ZC3H12B: variants seen among roughly 807,000 people sequenced by gnomAD.
ZC3H12B encodes the protein probable ribonuclease ZC3H12B.
Under a neutral mutation model 43.9 loss-of-function variants are expected in ZC3H12B, and 7 were observed. That is an observed-to-expected ratio of 0.16 (90% CI 0.09 to 0.30). The LOEUF is 0.30. Ranked by LOEUF, ZC3H12B falls within the 10% of genes least tolerant of loss-of-function variation. ZC3H12B has a pLI of 1.00. For synonymous variants in ZC3H12B, 222 were observed against 241.7 expected (o/e 0.92, Z 0.76); for missense variants, 475 against 670.2 (o/e 0.71, Z 3.22).
At chrX:65,271,500 C>T in the ZC3H12B span, 6 of 112,349 alleles carry the variant, frequency 5.3e-5, no homozygotes, top group African/African-American at 1.9e-4. Flanking sequence ...CTGTTGGTTT[C>T]AATTGTTGAT....
the ZC3H12B span, among the ~76,000 whole-genome samples, chrX:65,352,985 C>A: frequency 4.5e-5 from 5 of 110,523 alleles, no homozygotes; most frequent in Admixed American, 4.8e-4. Flanking sequence ...GTAGCTGGGA[C>A]TACAGGTGCG....
At chrX:65,154,687 A>T in the ZC3H12B span, among the ~76,000 whole-genome samples, 1 of 111,202 alleles carries the variant, frequency 9.0e-6, no homozygotes, top group Non-Finnish European at 1.9e-5. Flanking sequence ...CCATCTCTAC[A>T]AAAATAAAAG....
the ZC3H12B span, among the ~76,000 whole-genome samples, chrX:65,219,399 C>T: frequency 9.0e-6 from 1 of 110,963 alleles, no homozygotes; most frequent in Admixed American, 9.6e-5. Context: ...CAACTTAAAT[C>T]AAAAAAATGA....
At chrX:65,054,887 TTGTC>T in the ZC3H12B span, among the ~76,000 whole-genome samples, 5 of 111,495 alleles carry the variant, frequency 4.5e-5, no homozygotes, top group East Asian at 5.6e-4. Context: ...GGCTCTCTGT[TTGTC>T]TGTTATTGAT....
At chrX:65,298,232 C>A in the ZC3H12B span, among the ~76,000 whole-genome samples, 1 of 111,789 alleles carries the variant, frequency 8.9e-6, no homozygotes, top group African/African-American at 3.2e-5. Context: ...GTGAGAAAAT[C>A]TTCACAATCT....
At chrX:65,067,504 G>A in the ZC3H12B span, among the ~76,000 whole-genome samples, 1 of 109,979 alleles carries the variant, frequency 9.1e-6, no homozygotes, top group East Asian at 2.9e-4. Flanking sequence ...GAGATGAACC[G>A]TGTACCTCAG....
At chrX:65,113,252 G>A in the ZC3H12B span, among the ~76,000 whole-genome samples, 2 of 111,872 alleles carry the variant, frequency 1.8e-5, no homozygotes, top group African/African-American at 6.5e-5. Flanking sequence ...CAAAAAAGTG[G>A]TTTCTTGAGA....
intron 2 of ZC3H12B, among the ~76,000 whole-genome samples, chrX:65,390,073 G>A (rs187921538): frequency 1.2e-3 from 134 of 112,205 alleles, no homozygotes; most frequent in Non-Finnish European, 2.0e-3. Context: ...ATGCTATGCA[G>A]CCATAAAAAA....
chrX:65,165,579 A>T, the ZC3H12B span, among the ~76,000 whole-genome samples: 1 of 112,155 alleles, frequency 8.9e-6, no homozygotes, highest in Admixed American at 9.5e-5. Flanking sequence ...GTTAAGAATG[A>T]TGGTTTCCAT....
chrX:65,160,246 G>A, the ZC3H12B span, among the ~76,000 whole-genome samples: 2 of 111,530 alleles, frequency 1.8e-5, no homozygotes, highest in Non-Finnish European at 3.8e-5. Flanking sequence ...GTCTCTACCC[G>A]GCTTTGGTAT....
At chrX:65,242,455 T>C in the ZC3H12B span, among the ~76,000 whole-genome samples, 14 of 111,567 alleles carry the variant, frequency 1.3e-4, no homozygotes, top group African/African-American at 3.6e-4. Flanking sequence ...ATCTCTATAA[T>C]GAAAAGTATA....
chrX:65,279,045 T>C, the ZC3H12B span, among the ~76,000 whole-genome samples: 1 of 111,427 alleles, frequency 9.0e-6, no homozygotes, highest in African/African-American at 3.3e-5. Context: ...AATCTATCAT[T>C]GATGGGCATT....
the ZC3H12B span, among the ~76,000 whole-genome samples, chrX:65,106,834 T>G: frequency 8.9e-6 from 1 of 111,831 alleles, no homozygotes; most frequent in Non-Finnish European, 1.9e-5. Flanking sequence ...TTTACATGTA[T>G]TAATTTAATT....
the ZC3H12B span, among the ~76,000 whole-genome samples, chrX:65,089,083 C>A: frequency 9.0e-6 from 1 of 111,504 alleles, no homozygotes; most frequent in South Asian, 3.7e-4. Context: ...ATAGTTATTT[C>A]CCCCTAGAAA....
At chrX:65,175,758 G>A in the ZC3H12B span, among the ~76,000 whole-genome samples, 1 of 112,054 alleles carries the variant, frequency 8.9e-6, no homozygotes, top group Non-Finnish European at 1.9e-5. Flanking sequence ...AGCACGGTGG[G>A]GCGTTGCCTC....
chrX:65,333,664 A>C, the ZC3H12B span, among the ~76,000 whole-genome samples: 1 of 111,728 alleles, frequency 9.0e-6, no homozygotes, highest in African/African-American at 3.2e-5. Context: ...TTTTTCCTCT[A>C]TTCTAATGTC....
the ZC3H12B span, among the ~76,000 whole-genome samples, chrX:65,111,313 G>A: frequency 9.0e-6 from 1 of 111,239 alleles, no homozygotes; most frequent in Admixed American, 9.6e-5. Flanking sequence ...CCTAATTGTA[G>A]GGAGAAAACA....
chrX:65,309,158 T>C, the ZC3H12B span, among the ~76,000 whole-genome samples: 6 of 89,767 alleles, frequency 6.7e-5, no homozygotes, highest in Admixed American at 5.5e-4. Context: ...CTGAAGGAGC[T>C]AGAAACACAA....
At chrX:65,091,161 A>C in the ZC3H12B span, among the ~76,000 whole-genome samples, 1 of 109,376 alleles carries the variant, frequency 9.1e-6, no homozygotes, top group African/African-American at 3.5e-5. Context: ...GGTGTCATAC[A>C]TGTCCTTATA....
Sources: allele counts gnomAD v4.1 joint callset (sites outside exome capture counted in the v4.1 genomes callset), GRCh38; gene constraint gnomAD v4.1.1; transcripts MANE v1.5; gene names NCBI Gene and HGNC (gene_info 2026-07-23, HGNC 2026-07-21).